NUP88: variants seen among roughly 807,000 people sequenced by gnomAD.
The protein encoded by NUP88 is nucleoporin 88, also known as nuclear pore complex protein Nup88.
Under a neutral mutation model 93.9 loss-of-function variants are expected in NUP88, and 57 were observed. The observed-to-expected ratio is 0.61, with a 90% CI of 0.49 to 0.76. The LOEUF is 0.76. Among genes scored for constraint, NUP88 ranks in the 30% least tolerant of loss-of-function variants. The pLI is 0.00. For missense variants in NUP88, 911 were observed against 901.0 expected (o/e 1.01, Z -0.14); for synonymous variants, 346 against 336.8 (o/e 1.03, Z -0.30).
intron 9 of NUP88, among the ~76,000 whole-genome samples, chr17:5,394,424 G>A (rs1253011587): frequency 2.0e-5 from 3 of 152,136 alleles, no homozygotes; most frequent in Non-Finnish European, 2.9e-5. Context: ...AATAAACACA[G>A]CAATGCAGTG....
intron 6 of NUP88, 48 bp downstream of exon 6, chr17:5,405,009 C>G: frequency 6.6e-7 from 1 of 1,517,210 alleles, no homozygotes; most frequent in Non-Finnish European, 9.0e-7. Flanking sequence ...GGGTCAGGAA[C>G]TATGCCAGGT....
In NUP88 at chr17:5,416,831, A is replaced by AT. The variant is rs1237660595; in HGVS notation, c.298-150_298-149insA. The AT allele has an allele frequency of 1.1e-4, 60 of 550,238 alleles. 1 individual carries two copies. Among genetic ancestry groups the AT allele is most frequent in the African/African-American group, 1.6e-4 (5 of 31,400 alleles). The allele number at this position is 550,238 out of a possible 1,614,324, so 34.1% of individuals were successfully genotyped here. A position where few individuals can be genotyped will look rare whatever the true frequency, so the allele number is the denominator to read the frequency against. On this transcript the variant is annotated intron_variant, in intron 1 of 16. Transcript: ENST00000573584. The stretch of plus-strand genomic sequence containing the variant: ...CTCACACTTGTACCATTAACTCACA[A>AT]ATTTTTTTTTTTTTTTTTGAGACAG...
intron 2 of NUP88, 61 bp downstream of exon 2, chr17:5,416,452 T>C: frequency 8.3e-7 from 1 of 1,207,254 alleles, no homozygotes; most frequent in African/African-American, 1.5e-5. Context: ...TAAGAACCAC[T>C]AGTCTTGAAC....
At position 5,387,880 on chromosome 17, in the gene NUP88, A is replaced by G. The variant is rs748355018; in HGVS notation, c.1668T>C (p.Pro556=). 3 of 1,613,766 alleles carry G rather than the reference A, an allele frequency of 1.9e-6. No homozygotes were observed. The East Asian group carries it at 6.7e-5, about 36-fold the overall frequency. Residue 556 remains proline, a synonymous_variant, in exon 12 of 17, where the codon CCT becomes CCC. Coordinates refer to ENST00000573584, the MANE Select transcript of NUP88 (RefSeq NM_002532.6). ...FLKASEKDIA[P]PPEECLQLLS... is the part of the protein sequence containing the mutation. Reference sequence around the variant, plus strand: ...GGAGCTGAAGGCATTCTTCAGGAGGAGGGGCTATGTCCTTTTCAGAAGCTC... The same window carrying G: ...GGAGCTGAAGGCATTCTTCAGGAGGGGGGGCTATGTCCTTTTCAGAAGCTC...
intron 8 of NUP88, among the ~76,000 whole-genome samples, chr17:5,396,614 T>C (rs1426546560): frequency 1.3e-5 from 2 of 152,252 alleles, no homozygotes; most frequent in East Asian, 3.8e-4. Flanking sequence ...AGTATTTGTG[T>C]GGATACAGGT....
At position 5,387,391 on chromosome 17, in the gene NUP88, CATG is replaced by C; in HGVS notation, c.1908_1910del (p.Ile636del). 1 of 1,613,336 alleles carries C rather than the reference CATG, an allele frequency of 6.2e-7. No homozygotes were observed. Among genetic ancestry groups the C allele is most frequent in the Non-Finnish European group, 8.5e-7 (1 of 1,179,298 alleles). ...ATGTTATACAGCCCACTGACCTGTTCATGATATCCTCTTGTTTTTCTTTAGCTT... is the reference window on the plus strand; with the variant it reads ...ATGTTATACAGCCCACTGACCTGTTCATATCCTCTTGTTTTTCTTTAGCTT... On this transcript the variant is annotated inframe_deletion, in exon 14 of 17. Transcript: ENST00000573584.
At chr17:5,411,997 A>G (rs922101431) in intron 3 of NUP88, among the ~76,000 whole-genome samples, 23 of 152,222 alleles carry the variant, frequency 1.5e-4, no homozygotes, top group African/African-American at 5.3e-4. Flanking sequence ...CAGTGAAAGA[A>G]AAAGAAGGTG....
intron 3 of NUP88, among the ~76,000 whole-genome samples, chr17:5,413,749 G>C (rs1385411235): frequency 6.6e-6 from 1 of 152,204 alleles, no homozygotes; most frequent in Admixed American, 6.5e-5. Flanking sequence ...TGACAATGAT[G>C]AAAGAGTTTT....
rs534552970 is a variant in NUP88, at chr17:5,386,979, C to T, written c.2043+5G>A. The T allele has an allele frequency of 5.0e-6, 8 of 1,613,594 alleles. No homozygotes were observed. The South Asian group carries it at 8.8e-5, about 18-fold the overall frequency. On this transcript the variant is annotated splice_donor_5th_base_variant and intron_variant, in intron 15 of 16. Transcript: ENST00000573584. The stretch of plus-strand genomic sequence containing the variant: ...CAAATTTAGCTAGTTTGGATCTATT[C>T]CTACCTGTTTGATGGCATTGCCCAA...
In NUP88 at chr17:5,384,949, T is replaced by C. The variant is rs1278758357; in HGVS notation, c.*1257A>G. On this transcript the variant is annotated 3_prime_UTR_variant, in exon 17 of 17. Coordinates refer to ENST00000573584, the MANE Select transcript of NUP88 (RefSeq NM_002532.6). Reference sequence around the variant, plus strand: ...TTTGTCTTCAGATTATTAAAATTAGTGCTGTAAATCAGGGTGGGCAATTCA... The same window carrying C: ...TTTGTCTTCAGATTATTAAAATTAGCGCTGTAAATCAGGGTGGGCAATTCA... The C allele has an allele frequency of 4.4e-6, 1 of 226,616 alleles. No individual in the cohort carries two copies. Among genetic ancestry groups the C allele is most frequent in the African/African-American group, 2.2e-5 (1 of 45,032 alleles). The allele number at this position is 226,616 out of a possible 1,614,324, so 14.0% of individuals were successfully genotyped here.
In NUP88 at chr17:5,399,113, A is replaced by G. The variant is rs576596033; in HGVS notation, c.1291+439T>C. Among the ~76,000 whole-genome samples the G allele has an allele frequency of 4.3e-4, 64 of 149,530 alleles. 1 individual carries two copies. In the South Asian group the frequency reaches 7.4e-3, roughly 17 times the overall value. On this transcript the variant is annotated intron_variant, in intron 8 of 16. Coordinates refer to ENST00000573584, the MANE Select transcript of NUP88 (RefSeq NM_002532.6). Reference sequence around the variant, plus strand: ...TCACCATGTTAGCCAGGATGGTCTCAATCTCCTGATTTTGTGATCCACCCA... The same window carrying G: ...TCACCATGTTAGCCAGGATGGTCTCGATCTCCTGATTTTGTGATCCACCCA...
chr17:5,385,327 G>A lies in NUP88; in HGVS notation c.*879C>T. The A allele has an allele frequency of 4.3e-6, 1 of 230,980 alleles. No individual in the cohort carries two copies. The highest frequency in any genetic ancestry group is 8.6e-6 in the Non-Finnish European group (1 of 116,698). 14.3% of individuals were successfully genotyped at this position (230,980 alleles called of 1,614,324 possible). A position where few individuals can be genotyped will look rare whatever the true frequency, so the allele number is the denominator to read the frequency against. On this transcript the variant is annotated 3_prime_UTR_variant, in exon 17 of 17. Coordinates refer to ENST00000573584, the MANE Select transcript of NUP88 (RefSeq NM_002532.6). Reference sequence around the variant, plus strand: ...TCTAGGCAAAAGAAAAGCTCAGTTGGGTTTCACGAGTGTTCCTGTGCTTAT... The same window carrying A: ...TCTAGGCAAAAGAAAAGCTCAGTTGAGTTTCACGAGTGTTCCTGTGCTTAT...
rs780708577 is a variant in NUP88 at position 5,387,859 on chromosome 17, C to T, written c.1689G>A (p.Gln563=). ...ACACCTGGGTGGCTCTGCTGAGGAG[C>T]TGAAGGCATTCTTCAGGAGGAGGGG... ...DIAPPPEECL[Q]LLSRATQVFR... The change falls in exon 12 of 17, where the codon CAG becomes CAA. Residue 563 remains glutamine, a synonymous_variant. Transcript: ENST00000573584. 1 of 1,613,984 alleles carries T rather than the reference C, an allele frequency of 6.2e-7. No individual in the cohort carries two copies. The highest frequency in any genetic ancestry group is 1.1e-5 in the South Asian group (1 of 91,056).
chr17:5,419,516 C>T lies in NUP88; in HGVS notation c.135G>A (p.Ser45=), dbSNP rs1011418018. The T allele has an allele frequency of 6.2e-7, 1 of 1,613,964 alleles. No individual in the cohort carries two copies. Among genetic ancestry groups the T allele is most frequent in the Non-Finnish European group, 8.5e-7 (1 of 1,179,908 alleles). ...GCGGCGGCGGCGACGAAGGCAACGA[C>T]GAAGAAGCTGGTTTCTCAGCTTCGG... ...SPTEAEKPAS[S]SLPSSPPPQL... is the part of the protein sequence containing the mutation. The change falls in exon 1 of 17, where the codon TCG becomes TCA. Residue 45 remains serine (S), a synonymous_variant. Transcript: ENST00000573584.
intron 9 of NUP88, among the ~76,000 whole-genome samples, chr17:5,393,820 A>G (rs983155342): frequency 6.6e-6 from 1 of 152,192 alleles, no homozygotes; most frequent in Admixed American, 6.5e-5. Context: ...CTGTATTGCC[A>G]AACCTAGATT....
chr17:5,406,865 C>T (rs749743147), intron 5 of NUP88, among the ~76,000 whole-genome samples: 3 of 152,100 alleles, frequency 2.0e-5, no homozygotes, highest in Non-Finnish European at 4.4e-5. Flanking sequence ...TCCTGGGCTG[C>T]GCGCAGCCCG....
At chr17:5,390,163 CAAAAAAA>C (rs34058484) in intron 10 of NUP88, among the ~76,000 whole-genome samples, 1 of 89,104 alleles carries the variant, frequency 1.1e-5, no homozygotes, top group Non-Finnish European at 2.3e-5. Flanking sequence ...AACTCCGTCT[CAAAAAAA>C]AAAAAAAAAA....
Position 5,389,060 on chromosome 17 carries a change from TA to T in NUP88, c.1485-101del. 9.8e-6 allele frequency: 9 copies of T among 915,388 alleles called. No homozygotes were observed. In the South Asian group the frequency reaches 2.0e-4, roughly 21 times the overall value. The allele number at this position is 915,388 out of a possible 1,614,324, so 56.7% of individuals were successfully genotyped here. On this transcript the variant is annotated intron_variant, in intron 10 of 16. Coordinates refer to ENST00000573584, the MANE Select transcript of NUP88 (RefSeq NM_002532.6). ...AATCCAGAACTTTCAGAATATAAAATAAAGTGTAACTTTTGTAAAAGTGCAA... is the reference window on the plus strand; with the variant it reads ...AATCCAGAACTTTCAGAATATAAAATAAGTGTAACTTTTGTAAAAGTGCAA...
chr17:5,410,638 A>C, intron 4 of NUP88, 65 bp downstream of exon 4: 1 of 1,002,852 alleles, frequency 1.0e-6, no homozygotes, highest in South Asian at 1.4e-5. Context: ...CAACCTGTTA[A>C]AATTGCATTT....
Sources: gnomAD v4.1 joint callset for allele counts (sites outside exome capture counted in the v4.1 genomes callset) on GRCh38, gnomAD v4.1.1 for gene constraint, MANE v1.5 for transcripts, NCBI Gene and HGNC (gene_info 2026-07-23, HGNC 2026-07-21) for gene names.